Variants in GUCY1A2 observed in about 807,000 individuals in gnomAD.
The protein encoded by GUCY1A2 is guanylate cyclase soluble subunit alpha-2.
Under a neutral mutation model 63.5 loss-of-function variants are expected in GUCY1A2, and 27 were observed. The ratio of observed to expected loss-of-function variants is 0.43; its 90% confidence interval spans 0.31 to 0.59. The LOEUF (loss-of-function observed/expected upper bound fraction) is 0.59, where lower values mean the gene tolerates loss of function less well. Ranked by LOEUF, GUCY1A2 falls within the 20% of genes least tolerant of loss-of-function variation. GUCY1A2 has a pLI of 0.11. For synonymous variants in GUCY1A2, 364 were observed against 343.5 expected, an observed-to-expected ratio of 1.06 and a Z score of -0.66; for missense variants, 768 against 913.3, an observed-to-expected ratio of 0.84 and a Z score of 2.05.
At chr11:106,877,459 G>A (rs1267370399) in intron 4 of GUCY1A2, among the ~76,000 whole-genome samples, 2 of 151,966 alleles carry the variant, frequency 1.3e-5, no homozygotes, top group African/African-American at 4.8e-5. Context: ...GTAGACCAAC[G>A]GAACAAAATA....
intron 4 of GUCY1A2, among the ~76,000 whole-genome samples, chr11:106,879,884 C>T (rs1859800327): frequency 6.6e-6 from 1 of 152,036 alleles, no homozygotes; most frequent in African/African-American, 2.4e-5. Context: ...CTGTCTACGT[C>T]CATTAAGGTA....
chr11:106,879,120 G>T (rs1190681548), intron 4 of GUCY1A2, among the ~76,000 whole-genome samples: 7 of 151,980 alleles, frequency 4.6e-5, no homozygotes, highest in African/African-American at 1.7e-4. Flanking sequence ...GTCTTTTTTA[G>T]TGCGTTAATT....
intron 4 of GUCY1A2, among the ~76,000 whole-genome samples, chr11:106,891,414 C>T (rs2135478258): frequency 6.6e-6 from 1 of 152,020 alleles, no homozygotes; most frequent in African/African-American, 2.4e-5. Context: ...TCACTTTCTG[C>T]CTTTTGATGA....
At chr11:107,006,099 G>C (rs1464319186) in intron 1 of GUCY1A2, among the ~76,000 whole-genome samples, 1 of 152,136 alleles carries the variant, frequency 6.6e-6, no homozygotes, top group Admixed American at 6.5e-5. Flanking sequence ...AGAACAAACT[G>C]ATCCTCAGAG....
intron 4 of GUCY1A2, among the ~76,000 whole-genome samples, chr11:106,847,876 A>T (rs977949841): frequency 6.6e-6 from 1 of 151,674 alleles, no homozygotes; most frequent in Non-Finnish European, 1.5e-5. Flanking sequence ...TAGAAATCTA[A>T]CCCAATGTAT....
intron 6 of GUCY1A2, among the ~76,000 whole-genome samples, chr11:106,761,123 C>G (rs188348907): frequency 6.6e-6 from 1 of 152,248 alleles, no homozygotes; most frequent in African/African-American, 2.4e-5. Context: ...CTTCTTCTGG[C>G]CTTATCTTCT....
chr11:106,940,399 AC>A (rs1421641435), intron 3 of GUCY1A2, among the ~76,000 whole-genome samples: 1 of 152,168 alleles, frequency 6.6e-6, no homozygotes, highest in Non-Finnish European at 1.5e-5. Context: ...ATGAACATGA[AC>A]CTTTTTGTTT....
intron 4 of GUCY1A2, among the ~76,000 whole-genome samples, chr11:106,867,690 T>G (rs2135461857): frequency 6.6e-6 from 1 of 152,152 alleles, no homozygotes; most frequent in East Asian, 1.9e-4. Context: ...CTTAATAGAC[T>G]CCTCTGAATA....
chr11:106,806,225 A>G (rs1026046792), intron 5 of GUCY1A2, among the ~76,000 whole-genome samples: 1 of 152,144 alleles, frequency 6.6e-6, no homozygotes, highest in African/African-American at 2.4e-5. Flanking sequence ...TCAACTCTTT[A>G]TAGGAAAGCT....
intron 1 of GUCY1A2, among the ~76,000 whole-genome samples, chr11:107,007,082 C>T (rs1861680638): frequency 6.6e-6 from 1 of 151,816 alleles, no homozygotes; most frequent in African/African-American, 2.4e-5. Context: ...AAGTCTGAGC[C>T]AAGAAAACCG....
chr11:106,827,617 T>A, intron 4 of GUCY1A2: 1 of 1,518,808 alleles, frequency 6.6e-7, no homozygotes, highest in Non-Finnish European at 9.1e-7. Context: ...TGTTCTTCAC[T>A]CTTCAGTTGC....
At chr11:106,827,504 T>C (rs1565302540) in intron 4 of GUCY1A2, 3 of 1,465,794 alleles carry the variant, frequency 2.0e-6, no homozygotes, top group East Asian at 4.5e-5. Context: ...GTATCACGGA[T>C]TCCTAATACA....
chr11:106,676,077 G>A lies in GUCY1A2; in HGVS notation c.*11472C>T, dbSNP rs1212741254. 5.5e-6 allele frequency: 1 copy of A among 182,376 alleles called. No homozygotes were observed. Among genetic ancestry groups the A allele is most frequent in the Non-Finnish European group, 1.2e-5 (1 of 85,724 alleles). 11.3% of individuals were successfully genotyped at this position (182,376 alleles called of 1,614,324 possible). Reference sequence around the variant, plus strand: ...TAATTTTCTATTAACACAAACTTATGTCATGAAGATAATTAAGTGGTTTGA... The same window carrying A: ...TAATTTTCTATTAACACAAACTTATATCATGAAGATAATTAAGTGGTTTGA... On this transcript the variant is annotated 3_prime_UTR_variant, in exon 8 of 8. Coordinates refer to ENST00000526355, the MANE Select transcript of GUCY1A2 (RefSeq NM_000855.3).
chr11:106,970,143 G>A (rs1353712224), intron 3 of GUCY1A2, among the ~76,000 whole-genome samples: 1 of 152,126 alleles, frequency 6.6e-6, no homozygotes, highest in Non-Finnish European at 1.5e-5. Context: ...CAAGCTGGGG[G>A]TTAGGAGAGC....
intron 4 of GUCY1A2, among the ~76,000 whole-genome samples, chr11:106,844,946 A>G (rs1301386978): frequency 6.6e-6 from 1 of 151,530 alleles, no homozygotes; most frequent in Non-Finnish European, 1.5e-5. Context: ...AACATAACAG[A>G]AAAAAAAGGC....
At position 107,003,173 on chromosome 11, in the gene GUCY1A2, T is replaced by C. The variant is rs560389674; in HGVS notation, c.303+14580A>G. ...TTGAGTCAGAGATGTATGCCGACAA[T>C]ATCCTTTGTTTACTCACCATATATT... On this transcript the variant is annotated intron_variant, in intron 1 of 7. Transcript: ENST00000526355. Among the ~76,000 whole-genome samples, 10 of 152,300 alleles carry C rather than the reference T, an allele frequency of 6.6e-5. No homozygotes were observed. In the South Asian group the frequency reaches 1.5e-3, roughly 22 times the overall value.
chr11:106,926,307 G>A (rs998423330), intron 4 of GUCY1A2, among the ~76,000 whole-genome samples: 6 of 151,902 alleles, frequency 3.9e-5, no homozygotes, highest in African/African-American at 1.5e-4. Context: ...GCCTAGGGGT[G>A]CACACCTGTA....
intron 4 of GUCY1A2, among the ~76,000 whole-genome samples, chr11:106,831,728 C>T (rs7941122): frequency 0.07 from 10,644 of 152,200 alleles, 818 homozygotes; most frequent in African/African-American, 0.19. Flanking sequence ...TAGAGGCACC[C>T]AACCTGCCTC....
chr11:106,851,685 C>T (rs1462065631), intron 4 of GUCY1A2, among the ~76,000 whole-genome samples: 1 of 151,878 alleles, frequency 6.6e-6, no homozygotes, highest in East Asian at 1.9e-4. Flanking sequence ...CTTCTCTATT[C>T]TGTTCCATTG....
Sources: allele counts gnomAD v4.1 joint callset (sites outside exome capture counted in the v4.1 genomes callset), GRCh38; gene constraint gnomAD v4.1.1; transcripts MANE v1.5; gene names NCBI Gene and HGNC (gene_info 2026-07-23, HGNC 2026-07-21).